The following ZNF749 variants were observed in gnomAD, a reference collection of about 807,000 sequenced individuals.
ZNF749 encodes zinc finger protein 749.
A neutral mutation model predicts 7.3 loss-of-function variants in ZNF749; 8 were observed. The observed-to-expected ratio is 1.10, with a 90% CI of 0.64 to 1.98. The LOEUF is 1.98. Ranked by LOEUF, ZNF749 falls within the 30% of genes most tolerant of loss-of-function variation. The pLI, the probability that ZNF749 is intolerant of heterozygous loss-of-function variation, is 0.00. For missense variants in ZNF749, 898 were observed against 932.4 expected (o/e 0.96, Z 0.48); for synonymous variants, 310 against 322.4 (o/e 0.96, Z 0.41).
Position 57,443,662 on chromosome 19 carries a change from G to T in ZNF749, c.514G>T (p.Val172Phe). ...CAGCTCAGACCTTCTCCAGCAACAG[G>T]TCTTAAACAGTGGGTGGAAGCTGTA... The part of the protein sequence containing the change: ...TASSDLLQQQ[V>F]LNSGWKLYRD... Residue 172 changes from valine (V) to phenylalanine (F), a missense_variant, in exon 3 of 3, where the codon GTC (valine) becomes TTC (phenylalanine). Transcript: ENST00000334181. The T allele has an allele frequency of 6.2e-7, 1 of 1,614,164 alleles. No homozygotes were observed. Among genetic ancestry groups the T allele is most frequent in the Non-Finnish European group, 8.5e-7 (1 of 1,180,002 alleles).
At position 57,445,219 on chromosome 19, in the gene ZNF749, A is replaced by C. The variant is rs1420808410; in HGVS notation, c.2071A>C (p.Thr691Pro). 6.2e-7 allele frequency: 1 copy of C among 1,613,950 alleles called. No homozygotes were observed. The highest frequency in any genetic ancestry group is 2.2e-5 in the East Asian group (1 of 44,890). Residue 691 changes from threonine (T) to proline (P), a missense_variant, in exon 3 of 3, where the codon ACT becomes CCT. Physicochemically the swap from Thr to Pro is conservative, Grantham distance 38. Transcript: ENST00000334181. ...ATTCATTAAACATCATAAAGTTTGC[A>C]CTGGGGAGAAGCCTCATGAGTGCAG... ...STFIKHHKVC[T>P]GEKPHECSKC...
Position 57,445,440 on chromosome 19 carries a change from C to T in ZNF749, c.2292C>T (p.Ser764=). The change falls in exon 3 of 3, where the codon TCC becomes TCT. Residue 764 remains serine (S), a synonymous_variant. Coordinates refer to ENST00000334181, the MANE Select transcript of ZNF749 (RefSeq NM_001023561.4). ...CCAGCAAAGTGTTTAAATACAACTC[C>T]AGCCTCATTAAACATCAGATAATTC... The part of the protein sequence containing the change: ...GESSKVFKYN[S]SLIKHQIIHT... The T allele has an allele frequency of 1.2e-6, 2 of 1,613,188 alleles. No homozygotes were observed. Among genetic ancestry groups the T allele is most frequent in the Non-Finnish European group, 1.7e-6 (2 of 1,179,556 alleles).
In ZNF749 at chr19:57,445,481, C is replaced by A. The variant is rs774118050; in HGVS notation, c.2333C>A (p.Pro778His). ...CAGATAATTCATACTGGAAAAAGGC[C>A]TTAGTGGAGTGAATGCAGGAAAGTC... The part of the protein sequence containing the change: ...KHQIIHTGKR[P>H] Residue 778 changes from proline to histidine, a missense_variant, in exon 3 of 3, where the codon CCT (proline) becomes CAT (histidine). Pro to His is a moderately conservative substitution (Grantham distance 77, BLOSUM62 -2). Coordinates refer to ENST00000334181, the MANE Select transcript of ZNF749 (RefSeq NM_001023561.4). The A allele has an allele frequency of 6.2e-7, 1 of 1,602,176 alleles. No homozygotes were observed. The highest frequency in any genetic ancestry group is 1.1e-5 in the South Asian group (1 of 89,258).
At chr19:57,432,392 G>C (rs2088903144), upstream of ZNF749, among the ~76,000 whole-genome samples, 1 of 150,484 alleles carries the variant, frequency 6.6e-6, no homozygotes, top group African/African-American at 2.4e-5. Flanking sequence ...CCTGGCCAAT[G>C]TCTCTACTAA....
At chr19:57,429,364 A>G in the ZNF749 span, among the ~76,000 whole-genome samples, 7,601 of 152,292 alleles carry the variant, frequency 0.05, 577 homozygotes, top group African/African-American at 0.17. The surrounding 1 kb of genome is among the most constrained non-coding windows in gnomAD (Gnocchi z 4.2). Context: ...CATTCTGGCT[A>G]CTGTGAACAT....
At chr19:57,441,850 G>A in intron 1 of ZNF749, 35 bp from the exon 2 acceptor site, 3 of 1,612,972 alleles carry the variant, frequency 1.9e-6, no homozygotes, top group Admixed American at 1.7e-5. Context: ...AGAATAAGAA[G>A]TTGTTCATAG....
chr19:57,433,756 C>A (rs1018441075), upstream of ZNF749, among the ~76,000 whole-genome samples: 1 of 151,788 alleles, frequency 6.6e-6, no homozygotes, highest in Non-Finnish European at 1.5e-5. Flanking sequence ...ACTAATCCTG[C>A]AGAAGAGACC....
chr19:57,440,056 A>G (rs1454295669), intron 1 of ZNF749, among the ~76,000 whole-genome samples: 4 of 151,978 alleles, frequency 2.6e-5, no homozygotes. Context: ...GACTGAGGGT[A>G]TGTGTGTGTA....
chr19:57,437,952 C>G (rs2123093962), intron 1 of ZNF749: 1 of 395,858 alleles, frequency 2.5e-6, no homozygotes, highest in African/African-American at 2.1e-5. Context: ...TCCAAAGACA[C>G]AGAGCTGCTA....
intron 1 of ZNF749, chr19:57,438,220 C>T (rs2088954344): frequency 2.5e-6 from 1 of 396,712 alleles, no homozygotes; most frequent in African/African-American, 2.1e-5. Flanking sequence ...GTCTGCCACC[C>T]AGAAGGAATG....
In ZNF749 at chr19:57,444,416, A is replaced by G. The variant is rs1387055683; in HGVS notation, c.1268A>G (p.His423Arg). The change falls in exon 3 of 3, where the codon CAT becomes CGT. Residue 423 changes from histidine to arginine, a missense_variant. By Grantham distance (29) the His-to-Arg change is conservative (BLOSUM62 0). Transcript: ENST00000334181. ...SECGKAFSLK[H>R]NVVQHLKIHT... ...TGTGGGAAAGCCTTTAGCCTCAAAC[A>G]TAATGTTGTTCAGCATCTGAAAATT... 1 of 1,613,910 alleles carries G rather than the reference A, an allele frequency of 6.2e-7. No homozygotes were observed. The highest frequency in any genetic ancestry group is 8.5e-7 in the Non-Finnish European group (1 of 1,179,934).
chr19:57,444,092 G>T lies in ZNF749; in HGVS notation c.944G>T (p.Gly315Val), dbSNP rs373764319. ...TTTCTTACACAGGCTCATCTGGTTG[G>T]TCACCAGAAAACCCATACTGGAGAA... ...KAFLTQAHLVGHQKTHTGEQP... is the reference protein window; with the variant it reads ...KAFLTQAHLVVHQKTHTGEQP... Residue 315 changes from glycine (G) to valine (V), a missense_variant, in exon 3 of 3, where the codon GGT becomes GTT. By Grantham distance (109) the Gly-to-Val change is moderately radical (BLOSUM62 -3). Transcript: ENST00000334181. 6.2e-7 allele frequency: 1 copy of T among 1,613,888 alleles called. No individual in the cohort carries two copies. Among genetic ancestry groups the T allele is most frequent in the Non-Finnish European group, 8.5e-7 (1 of 1,179,952 alleles).
chr19:57,435,746 G>A, intron 1 of ZNF749, 153 bp downstream of exon 1: 2 of 1,405,726 alleles, frequency 1.4e-6, no homozygotes, highest in South Asian at 1.4e-5. Context: ...GATGAGGCGG[G>A]GGAGCTCCCG....
At position 57,445,569 on chromosome 19, in the gene ZNF749, A is replaced by G; in HGVS notation, c.*84A>G. Reference sequence around the variant, plus strand: ...CATCGGACCAAGAACCTATTAATATATGTAAATCTAATGTTGAAAGAGTTC... The same window carrying G: ...CATCGGACCAAGAACCTATTAATATGTGTAAATCTAATGTTGAAAGAGTTC... On this transcript the variant is annotated 3_prime_UTR_variant, in exon 3 of 3. Transcript: ENST00000334181. 3 of 1,509,272 alleles carry G rather than the reference A, an allele frequency of 2.0e-6. No homozygotes were observed. The highest frequency in any genetic ancestry group is 2.6e-6 in the Non-Finnish European group (3 of 1,132,252). 93.5% of individuals were successfully genotyped at this position (1,509,272 alleles called of 1,614,324 possible).
At position 57,443,667 on chromosome 19, in the gene ZNF749, A is replaced by G; in HGVS notation, c.519A>G (p.Leu173=). ...ASSDLLQQQV[L]NSGWKLYRDT... is the part of the protein sequence containing the mutation. ...CAGACCTTCTCCAGCAACAGGTCTT[A>G]AACAGTGGGTGGAAGCTGTACAGGG... Residue 173 remains leucine, a synonymous_variant, in exon 3 of 3, where the codon TTA becomes TTG. Transcript: ENST00000334181. 2.5e-6 allele frequency: 4 copies of G among 1,614,164 alleles called. No individual in the cohort carries two copies. The highest frequency in any genetic ancestry group is 3.4e-6 in the Non-Finnish European group (4 of 1,180,000).
rs966887040 is a variant in ZNF749 at position 57,439,667 on chromosome 19, G to C, written c.16-2218G>C. 1.3e-5 allele frequency among the ~76,000 whole-genome samples: 2 copies of C among 152,106 alleles called. No homozygotes were observed. On this transcript the variant is annotated intron_variant, in intron 1 of 2. Coordinates refer to ENST00000334181, the MANE Select transcript of ZNF749 (RefSeq NM_001023561.4). This position sits in a 1 kb window ranked among gnomAD's most constrained non-coding sequence, Gnocchi z 4.3. ...AGCTAATCGGCGTGCTGAGGCAGGA[G>C]GGTCACCTGAGCCTGGGAAGTAAAG...
chr19:57,434,296 C>T (rs1314743046), upstream of ZNF749, among the ~76,000 whole-genome samples: 1 of 152,148 alleles, frequency 6.6e-6, no homozygotes, highest in Non-Finnish European at 1.5e-5. Context: ...GGGGTTTCTA[C>T]ATGTTGGTCA....
Position 57,445,556 on chromosome 19 carries a change from A to C in ZNF749, c.*71A>C, listed in dbSNP as rs546239709. ...ACCAAAAGGTTCACATCGGACCAAG[A>C]ACCTATTAATATATGTAAATCTAAT... On this transcript the variant is annotated 3_prime_UTR_variant, in exon 3 of 3. Coordinates refer to ENST00000334181, the MANE Select transcript of ZNF749 (RefSeq NM_001023561.4). The C allele has an allele frequency of 6.6e-7, 1 of 1,525,556 alleles. No individual in the cohort carries two copies. The highest frequency in any genetic ancestry group is 1.4e-5 in the African/African-American group (1 of 71,958). 94.5% of individuals were successfully genotyped at this position (1,525,556 alleles called of 1,614,324 possible).
Position 57,444,458 on chromosome 19 carries a change from C to T in ZNF749, c.1310C>T (p.Pro437Leu). Reference sequence around the variant, plus strand: ...CTGAAAATTCATACTGGAGAACGGCCTTATGAGTGCACTGAATGTGAGAAG... The same window carrying T: ...CTGAAAATTCATACTGGAGAACGGCTTTATGAGTGCACTGAATGTGAGAAG... ...QHLKIHTGER[P>L]YECTECEKAF... is the part of the protein sequence containing the mutation. The change falls in exon 3 of 3, where the codon CCT (proline) becomes CTT (leucine). Residue 437 changes from proline (P) to leucine (L), a missense_variant. Physicochemically the swap from Pro to Leu is moderately conservative, Grantham distance 98. Transcript: ENST00000334181. 6.2e-7 allele frequency: 1 copy of T among 1,613,986 alleles called. No individual in the cohort carries two copies. Among genetic ancestry groups the T allele is most frequent in the Non-Finnish European group, 8.5e-7 (1 of 1,179,882 alleles).
Sources: allele counts gnomAD v4.1 joint callset (sites outside exome capture counted in the v4.1 genomes callset), GRCh38; gene constraint gnomAD v4.1.1; non-coding constraint Gnocchi (gnomAD v3.1); transcripts MANE v1.5; gene names NCBI Gene and HGNC (gene_info 2026-07-23, HGNC 2026-07-21).